Variants in RALGAPA2 observed in about 807,000 individuals in gnomAD.
RALGAPA2 encodes ral GTPase-activating protein subunit alpha-2.
A neutral mutation model predicts 230.4 loss-of-function variants in RALGAPA2; 139 were observed. The observed-to-expected ratio is 0.60, with a 90% confidence interval of 0.53 to 0.69. RALGAPA2 has a LOEUF of 0.69. RALGAPA2 is among the 30% of genes least tolerant of loss of function. The pLI is 0.00. For missense variants in RALGAPA2, 2,163 were observed against 2,276.0 expected, an observed-to-expected ratio of 0.95 and a Z score of 1.01; for synonymous variants, 847 against 837.8, an observed-to-expected ratio of 1.01 and a Z score of -0.19.
chr20:20,401,562 T>G (rs900138354), intron 38 of RALGAPA2, among the ~76,000 whole-genome samples: 2 of 152,194 alleles, frequency 1.3e-5, no homozygotes, highest in Non-Finnish European at 2.9e-5. Flanking sequence ...GGGATTACTG[T>G]GTGATTTGTC....
At position 20,401,049 on chromosome 20, in the gene RALGAPA2, C is replaced by G. The variant is rs137980963; in HGVS notation, c.5618-4315G>C. 2.9e-3 allele frequency among the ~76,000 whole-genome samples: 434 copies of G among 152,202 alleles called. 2 individuals carry two copies. The highest frequency in any genetic ancestry group is 5.0e-3 in the Non-Finnish European group (342 of 68,024). On this transcript the variant is annotated intron_variant, in intron 38 of 39. Transcript: ENST00000202677. The stretch of plus-strand genomic sequence containing the variant: ...AGTGGGCGGGGAGAAGTGGGATTGC[C>G]TATCAGCAGGCTGTTTAAAAGGGGG...
At chr20:20,523,797 C>T (rs1602643046) in intron 30 of RALGAPA2, among the ~76,000 whole-genome samples, 1 of 152,146 alleles carries the variant, frequency 6.6e-6, no homozygotes, top group Admixed American at 6.5e-5. Context: ...ATGAACAGTT[C>T]TTTAAGTAGA....
chr20:20,537,138 G>A (rs536325288), intron 24 of RALGAPA2, among the ~76,000 whole-genome samples: 3 of 152,202 alleles, frequency 2.0e-5, no homozygotes, highest in South Asian at 4.1e-4. Flanking sequence ...TTGCTGTTAA[G>A]AACAATTAAG....
intron 3 of RALGAPA2, among the ~76,000 whole-genome samples, chr20:20,663,499 G>A (rs2067854271): frequency 6.6e-6 from 1 of 151,990 alleles, no homozygotes. Context: ...AGTCAAGAAC[G>A]CTCACCTTTT....
At chr20:20,659,403 T>A (rs1182556537) in intron 3 of RALGAPA2, among the ~76,000 whole-genome samples, 1 of 152,238 alleles carries the variant, frequency 6.6e-6, no homozygotes, top group Non-Finnish European at 1.5e-5. Flanking sequence ...AACAAAATGT[T>A]ATTTGAGGAC....
intron 36 of RALGAPA2, among the ~76,000 whole-genome samples, chr20:20,487,784 C>T (rs1324405579): frequency 2.0e-5 from 3 of 151,950 alleles, no homozygotes; most frequent in African/African-American, 7.3e-5. Flanking sequence ...TGGTGGCATA[C>T]GCCTTTAGTC....
At chr20:20,564,377 A>C (rs574513577) in intron 23 of RALGAPA2, among the ~76,000 whole-genome samples, 14 of 152,134 alleles carry the variant, frequency 9.2e-5, no homozygotes, top group Admixed American at 3.3e-4. Flanking sequence ...TTTCAAATCA[A>C]CTTAGCTAAA....
intron 1 of RALGAPA2, among the ~76,000 whole-genome samples, chr20:20,699,444 G>C (rs906362475): frequency 1.3e-5 from 2 of 152,150 alleles, no homozygotes; most frequent in Non-Finnish European, 2.9e-5. Flanking sequence ...AGATACTATA[G>C]AGTCCATGGA....
chr20:20,590,360 AC>A (rs1343794748), intron 17 of RALGAPA2, among the ~76,000 whole-genome samples: 1 of 152,234 alleles, frequency 6.6e-6, no homozygotes, highest in East Asian at 1.9e-4. Flanking sequence ...TTCAGATAAT[AC>A]ATTTTCTGAA....
intron 33 of RALGAPA2, 82 bp downstream of exon 33, chr20:20,511,172 A>G: frequency 1.3e-6 from 2 of 1,526,194 alleles, no homozygotes; most frequent in South Asian, 1.3e-5. Context: ...CAGTAAGTCT[A>G]TTCATTCCTG....
At chr20:20,505,751 G>A (rs369224484) in intron 33 of RALGAPA2, among the ~76,000 whole-genome samples, 14 of 152,130 alleles carry the variant, frequency 9.2e-5, no homozygotes, top group African/African-American at 3.1e-4. Context: ...CCCTAGTAGA[G>A]GTGGTTGAAA....
intron 1 of RALGAPA2, among the ~76,000 whole-genome samples, chr20:20,702,019 G>A (rs572787136): frequency 2.0e-4 from 29 of 146,830 alleles, no homozygotes; most frequent in Non-Finnish European, 4.0e-4. Flanking sequence ...TAGCCTGGGC[G>A]ACAGAGCAAG....
At position 20,709,777 on chromosome 20, in the gene RALGAPA2, C is replaced by T. The variant is rs1374351766; in HGVS notation, c.106+2598G>A. Among the ~76,000 whole-genome samples the T allele has an allele frequency of 2.6e-5, 4 of 152,216 alleles. No homozygotes were observed. The East Asian group carries it at 7.7e-4, about 29-fold the overall frequency. On this transcript the variant is annotated intron_variant, in intron 1 of 39. Transcript: ENST00000202677. The stretch of plus-strand genomic sequence containing the variant: ...GTTATTACCATGATACTAAGAAATA[C>T]TCTACTTCCACAGCTAATTTTATGT...
chr20:20,631,840 A>C (rs1029324881), intron 9 of RALGAPA2, among the ~76,000 whole-genome samples: 1 of 152,156 alleles, frequency 6.6e-6, no homozygotes, highest in African/African-American at 2.4e-5. Context: ...GTATGATGGC[A>C]CAGAAGGTAC....
At chr20:20,704,747 T>A (rs550119843) in intron 1 of RALGAPA2, among the ~76,000 whole-genome samples, 1 of 152,296 alleles carries the variant, frequency 6.6e-6, no homozygotes, top group South Asian at 2.1e-4. Context: ...TGGGAAGAGA[T>A]AGGATGTGGC....
intron 3 of RALGAPA2, among the ~76,000 whole-genome samples, chr20:20,675,994 T>A (rs578235074): frequency 6.6e-6 from 1 of 152,294 alleles, no homozygotes; most frequent in Non-Finnish European, 1.5e-5. Flanking sequence ...CTCCATCTAA[T>A]AATTTCACAT....
chr20:20,597,553 A>G (rs530911761), intron 16 of RALGAPA2, among the ~76,000 whole-genome samples: 17 of 152,156 alleles, frequency 1.1e-4, no homozygotes, highest in Non-Finnish European at 1.8e-4. Context: ...TACTACAGAA[A>G]GCCACAATTA....
chr20:20,639,982 T>G (rs1260565240), intron 6 of RALGAPA2, 82 bp from the exon 7 acceptor site: 1 of 1,006,212 alleles, frequency 9.9e-7, no homozygotes, highest in Non-Finnish European at 1.6e-6. Flanking sequence ...ATGGTCTCTA[T>G]TAAAATACAT....
At chr20:20,560,429 G>A (rs1416048773) in intron 23 of RALGAPA2, among the ~76,000 whole-genome samples, 3 of 152,172 alleles carry the variant, frequency 2.0e-5, no homozygotes, top group Admixed American at 6.5e-5. Flanking sequence ...TCTCTAAAAT[G>A]TGTTTCAGTA....
Sources: allele counts gnomAD v4.1 joint callset (sites outside exome capture counted in the v4.1 genomes callset), GRCh38; gene constraint gnomAD v4.1.1; transcripts MANE v1.5; gene names NCBI Gene and HGNC (gene_info 2026-07-23, HGNC 2026-07-21).